ARL13B: variants seen among roughly 807,000 people sequenced by gnomAD.
ARL13B encodes the protein ARF like GTPase 13B, also known as ADP-ribosylation factor-like protein 13B.
A neutral mutation model predicts 56.1 loss-of-function variants in ARL13B; 36 were observed. The ratio of observed to expected loss-of-function variants is 0.64; its 90% confidence interval spans 0.49 to 0.85. ARL13B has a LOEUF of 0.85. Ranked by LOEUF, ARL13B falls within the 40% of genes least tolerant of loss-of-function variation. The pLI is 0.00. For synonymous variants in ARL13B, 178 were observed against 171.1 expected (o/e 1.04, Z -0.32); for missense variants, 519 against 507.1 (o/e 1.02, Z -0.23).
intron 9 of ARL13B, among the ~76,000 whole-genome samples, chr3:94,052,778 G>A (rs2077086980): frequency 6.6e-6 from 1 of 152,084 alleles, no homozygotes; most frequent in Non-Finnish European, 1.5e-5. Flanking sequence ...TTGTTGCAAT[G>A]TAAAGTACAA....
chr3:94,024,993 C>T (rs1011633251), intron 3 of ARL13B, among the ~76,000 whole-genome samples: 1 of 152,110 alleles, frequency 6.6e-6, no homozygotes, highest in African/African-American at 2.4e-5. Flanking sequence ...TATTGGAGCA[C>T]AGTGTACACA....
chr3:94,031,051 G>T (rs991197421), intron 3 of ARL13B, among the ~76,000 whole-genome samples: 1 of 152,020 alleles, frequency 6.6e-6, no homozygotes, highest in African/African-American at 2.4e-5. Context: ...CACTAGCTGG[G>T]CATAGTGGTA....
rs545333312 is a variant in ARL13B at position 94,015,976 on chromosome 3, G to A, written c.380+12068G>A. Among the ~76,000 whole-genome samples the A allele has an allele frequency of 4.6e-5, 7 of 152,096 alleles. No individual in the cohort carries two copies. In the East Asian group the frequency reaches 1.2e-3, roughly 25 times the overall value. Reference sequence around the variant, plus strand: ...CAAAATTTATATCAATTTGTGTTAGGTGATACTTTTATAAACATGAGAATA... The same window carrying A: ...CAAAATTTATATCAATTTGTGTTAGATGATACTTTTATAAACATGAGAATA... On this transcript the variant is annotated intron_variant, in intron 3 of 9. Transcript: ENST00000394222.
At chr3:94,026,937 T>C (rs2076570061) in intron 3 of ARL13B, among the ~76,000 whole-genome samples, 1 of 152,122 alleles carries the variant, frequency 6.6e-6, no homozygotes, top group Non-Finnish European at 1.5e-5. Context: ...AAAAGTAAAC[T>C]GGTGCGACTC....
At chr3:93,989,990 CT>C (rs1023551136) in intron 1 of ARL13B, among the ~76,000 whole-genome samples, 1 of 151,664 alleles carries the variant, frequency 6.6e-6, no homozygotes, top group South Asian at 2.1e-4. Flanking sequence ...TTGAGTATCT[CT>C]TTTTTTTGTT....
Position 94,043,219 on chromosome 3 carries a change from G to C in ARL13B, c.1003G>C (p.Asp335His), listed in dbSNP as rs1214524466. The part of the protein sequence containing the change: ...TQQLKNEDET[D>H]RPSLESANGK... ...GCAGTTAAAGAATGAAGATGAGACA[G>C]ACCGGCCATCATTGGAATCAGGTAA... The change falls in exon 7 of 10, where the codon GAC becomes CAC. Residue 335 changes from aspartate to histidine, a missense_variant. By Grantham distance (81) the Asp-to-His change is moderately conservative. Transcript: ENST00000394222. The C allele has an allele frequency of 6.2e-7, 1 of 1,612,980 alleles. No homozygotes were observed. Among genetic ancestry groups the C allele is most frequent in the Non-Finnish European group, 8.5e-7 (1 of 1,179,658 alleles).
intron 6 of ARL13B, among the ~76,000 whole-genome samples, 160 bp from the exon 7 acceptor site, chr3:94,042,855 G>A (rs1576040589): frequency 1.3e-5 from 2 of 152,082 alleles, no homozygotes; most frequent in East Asian, 3.9e-4. Flanking sequence ...TTGACATTTA[G>A]CATCTTTTAA....
At chr3:94,004,454 C>G (rs919672920) in intron 3 of ARL13B, among the ~76,000 whole-genome samples, 16 of 152,066 alleles carry the variant, frequency 1.1e-4, no homozygotes, top group African/African-American at 3.4e-4. Flanking sequence ...TGACAAAGGA[C>G]TTTTGCACTA....
At chr3:94,004,314 T>A (rs1381923154) in intron 3 of ARL13B, among the ~76,000 whole-genome samples, 1 of 152,196 alleles carries the variant, frequency 6.6e-6, no homozygotes, top group Non-Finnish European at 1.5e-5. Context: ...AAACAGTTTA[T>A]TTTTCTAATA....
intron 1 of ARL13B, among the ~76,000 whole-genome samples, chr3:93,982,063 G>A (rs533831556): frequency 7.4e-4 from 112 of 152,212 alleles, no homozygotes; most frequent in African/African-American, 2.6e-3. Flanking sequence ...GTGAAGGCAT[G>A]TATATAACTT....
intron 3 of ARL13B, among the ~76,000 whole-genome samples, chr3:94,009,729 C>G (rs1390726556): frequency 6.6e-6 from 1 of 152,020 alleles, no homozygotes; most frequent in African/African-American, 2.4e-5. Context: ...ACCACACTGT[C>G]ATCTTCATTA....
At chr3:94,015,723 G>T (rs933195025) in intron 3 of ARL13B, among the ~76,000 whole-genome samples, 1 of 152,136 alleles carries the variant, frequency 6.6e-6, no homozygotes, top group Non-Finnish European at 1.5e-5. Flanking sequence ...TGCTAAATAT[G>T]CATCATTCAG....
chr3:94,023,900 C>A (rs1442768122), intron 3 of ARL13B, among the ~76,000 whole-genome samples: 3 of 152,042 alleles, frequency 2.0e-5, no homozygotes, highest in Non-Finnish European at 2.9e-5. Flanking sequence ...TTATTAGGAT[C>A]TTTAATATAA....
chr3:93,983,144 C>T (rs1348400147), intron 1 of ARL13B, among the ~76,000 whole-genome samples: 1 of 152,064 alleles, frequency 6.6e-6, no homozygotes, highest in Non-Finnish European at 1.5e-5. Flanking sequence ...ACATTCTGTA[C>T]CCCAGTACCC....
At position 94,055,534 on chromosome 3, in the gene ARL13B, G is replaced by C. The variant is rs1185788000; in HGVS notation, c.*2271G>C. Reference sequence around the variant, plus strand: ...TGTTAGAGGATTTGATGTCTGTCTTGCGTTAAAGCTGTTGGTCAACAGATA... The same window carrying C: ...TGTTAGAGGATTTGATGTCTGTCTTCCGTTAAAGCTGTTGGTCAACAGATA... On this transcript the variant is annotated 3_prime_UTR_variant, in exon 10 of 10. Transcript: ENST00000394222. 5 of 453,926 alleles carry C rather than the reference G, an allele frequency of 1.1e-5. No homozygotes were observed. In the Admixed American group the frequency reaches 1.2e-4, roughly 11 times the overall value. The allele number at this position is 453,926 out of a possible 1,614,324, so 28.1% of individuals were successfully genotyped here.
chr3:94,017,902 T>C (rs1361387421), intron 3 of ARL13B, among the ~76,000 whole-genome samples: 2 of 151,990 alleles, frequency 1.3e-5, no homozygotes, highest in Non-Finnish European at 2.9e-5. Flanking sequence ...AGGAGTAACA[T>C]GGGAAGAATG....
chr3:94,035,236 CAAAAAAAA>C (rs374163446), intron 3 of ARL13B, 87 bp from the exon 4 acceptor site: 1 of 551,840 alleles, frequency 1.8e-6, no homozygotes, highest in South Asian at 2.1e-5. Context: ...GACTCAGTCT[CAAAAAAAA>C]AAAAAAAAAA....
chr3:94,005,203 C>T (rs1048614532), intron 3 of ARL13B, among the ~76,000 whole-genome samples: 2 of 152,026 alleles, frequency 1.3e-5, no homozygotes, highest in Non-Finnish European at 2.9e-5. Context: ...AACAAAAATC[C>T]AAGTTAGACC....
chr3:94,029,363 T>TTTTTG, intron 3 of ARL13B, among the ~76,000 whole-genome samples: 1 of 132,682 alleles, frequency 7.5e-6, no homozygotes, highest in Non-Finnish European at 1.6e-5. Context: ...TTTTTTTTTT[T>TTTTTG]TGAGAAGGAG....
Sources: allele counts gnomAD v4.1 joint callset (sites outside exome capture counted in the v4.1 genomes callset), GRCh38; gene constraint gnomAD v4.1.1; transcripts MANE v1.5; gene names NCBI Gene and HGNC (gene_info 2026-07-23, HGNC 2026-07-21).